The following GPX6 variants were observed in gnomAD, a reference collection of about 807,000 sequenced individuals.
The protein encoded by GPX6 is glutathione peroxidase 6 (olfactory).
In GPX6, 21 loss-of-function variants were observed where a neutral mutation model predicts 20.0. That is an observed-to-expected ratio of 1.05 (90% CI 0.74 to 1.51). The LOEUF is 1.51. Ranked by LOEUF, GPX6 falls within the 40% of genes most tolerant of loss-of-function variation. The pLI is 0.00. For missense variants in GPX6, 233 were observed against 254.7 expected (o/e 0.91, Z 0.58); for synonymous variants, 75 against 98.0 (o/e 0.77, Z 1.38).
chr6:28,512,876 G>A (rs1762924447), intron 1 of GPX6, among the ~76,000 whole-genome samples: 2 of 151,952 alleles, frequency 1.3e-5, no homozygotes, highest in Non-Finnish European at 1.5e-5. Flanking sequence ...TCACTCTTGA[G>A]CCTCTGCAGC....
At chr6:28,515,040 C>T (rs1270682305) in intron 1 of GPX6, among the ~76,000 whole-genome samples, 1 of 152,220 alleles carries the variant, frequency 6.6e-6, no homozygotes, top group East Asian at 1.9e-4. Flanking sequence ...AAAGCCTACT[C>T]TGAGCTGAGC....
At chr6:28,510,636 A>C (rs1229179653) in intron 2 of GPX6, 115 bp downstream of exon 2, 1 of 960,834 alleles carries the variant, frequency 1.0e-6, no homozygotes. Flanking sequence ...AGGTAGAGTC[A>C]CCTGATCAGT....
At chr6:28,512,551 T>G (rs979648682) in intron 1 of GPX6, among the ~76,000 whole-genome samples, 1 of 152,150 alleles carries the variant, frequency 6.6e-6, no homozygotes, top group Non-Finnish European at 1.5e-5. Flanking sequence ...ACCACTCGGC[T>G]CTCTGTAAAA....
intron 1 of GPX6, among the ~76,000 whole-genome samples, chr6:28,513,039 A>T (rs894486316): frequency 2.0e-5 from 3 of 152,176 alleles, no homozygotes; most frequent in African/African-American, 7.2e-5. Context: ...CCAATTTTGA[A>T]CACAGTAGGA....
intron 2 of GPX6, among the ~76,000 whole-genome samples, chr6:28,508,269 T>C (rs1252475360): frequency 6.6e-6 from 1 of 152,244 alleles, no homozygotes; most frequent in African/African-American, 2.4e-5. Context: ...TTTTCAAATT[T>C]AACTTTTTGA....
intron 4 of GPX6, 115 bp from the exon 5 acceptor site, chr6:28,504,613 A>G (rs1762790147): frequency 3.4e-6 from 3 of 881,406 alleles, no homozygotes; most frequent in Non-Finnish European, 5.2e-6. Flanking sequence ...ATGTATTTTA[A>G]TATATTAACT....
At chr6:28,513,152 C>T (rs928933030) in intron 1 of GPX6, among the ~76,000 whole-genome samples, 4 of 152,180 alleles carry the variant, frequency 2.6e-5, no homozygotes, top group Non-Finnish European at 5.9e-5. Flanking sequence ...GAGCTACTTC[C>T]ACTTAATAAA....
intron 1 of GPX6, among the ~76,000 whole-genome samples, chr6:28,513,366 G>C (rs970420685): frequency 5.3e-4 from 81 of 152,164 alleles, no homozygotes; most frequent in African/African-American, 1.9e-3. Flanking sequence ...TTCACTCCTA[G>C]ACACTGCCTT....
At chr6:28,504,604 T>C (rs1254743961) in intron 4 of GPX6, 106 bp from the exon 5 acceptor site, 4 of 965,448 alleles carry the variant, frequency 4.1e-6, no homozygotes, top group Non-Finnish European at 4.6e-6. Context: ...CTCACCATTA[T>C]GTATTTTAAT....
intron 1 of GPX6, among the ~76,000 whole-genome samples, chr6:28,512,684 C>T (rs150160377): frequency 6.6e-5 from 10 of 152,286 alleles, no homozygotes; most frequent in African/African-American, 1.9e-4. Flanking sequence ...TCGCTCTTTG[C>T]AATAAGTCTT....
intron 2 of GPX6, among the ~76,000 whole-genome samples, chr6:28,509,725 T>C (rs769226547): frequency 1.3e-5 from 2 of 152,190 alleles, no homozygotes; most frequent in African/African-American, 4.8e-5. Flanking sequence ...CCAACAGTAA[T>C]GCAAAACTCT....
chr6:28,512,828 C>T (rs939638386), intron 1 of GPX6, among the ~76,000 whole-genome samples: 1 of 151,740 alleles, frequency 6.6e-6, no homozygotes, highest in Non-Finnish European at 1.5e-5. Flanking sequence ...GACGCGCTGC[C>T]TTAAGAGCTG....
intron 1 of GPX6, 63 bp from the exon 2 acceptor site, chr6:28,510,967 A>T (rs1469725617): frequency 6.9e-7 from 1 of 1,447,684 alleles, no homozygotes; most frequent in African/African-American, 1.4e-5. Flanking sequence ...ACATTTGTGG[A>T]CTTTTTCAAA....
chr6:28,504,645 C>A lies in GPX6; in HGVS notation c.460-147G>T, dbSNP rs1394133317. ...AACTACTTTGCATGCTTCCAATCAA[C>A]CACAGACACTGCAATGTATCAATAC... On this transcript the variant is annotated intron_variant, in intron 4 of 4. Transcript: ENST00000361902. 7.4e-6 allele frequency: 5 copies of A among 676,666 alleles called. No homozygotes were observed. In the East Asian group the frequency reaches 1.4e-4, roughly 18 times the overall value. The allele number at this position is 676,666 out of a possible 1,614,324, so 41.9% of individuals were successfully genotyped here. A position where few individuals can be genotyped will look rare whatever the true frequency, so the allele number is the denominator to read the frequency against.
chr6:28,512,002 G>T (rs2113604764), intron 1 of GPX6, among the ~76,000 whole-genome samples: 1 of 152,364 alleles, frequency 6.6e-6, no homozygotes, highest in African/African-American at 2.4e-5. Context: ...TCGACTTCTC[G>T]CTGGGCCTTA....
At chr6:28,508,825 A>G (rs953212851) in intron 2 of GPX6, among the ~76,000 whole-genome samples, 1 of 151,970 alleles carries the variant, frequency 6.6e-6, no homozygotes, top group Non-Finnish European at 1.5e-5. Flanking sequence ...TAGTAATAAC[A>G]AAGGGACCCC....
chr6:28,506,706 A>AAAACACACACACACACAC (rs1762809689), intron 2 of GPX6, among the ~76,000 whole-genome samples: 1 of 145,098 alleles, frequency 6.9e-6, no homozygotes, highest in Non-Finnish European at 1.5e-5. Context: ...TTTTTTTTTA[A>AAAACACACACACACACAC]ACACACACAC....
At chr6:28,508,438 T>C (rs1171084847) in intron 2 of GPX6, among the ~76,000 whole-genome samples, 1 of 152,130 alleles carries the variant, frequency 6.6e-6, no homozygotes, top group Non-Finnish European at 1.5e-5. Context: ...TACTAAATTG[T>C]TGTTTGGGCT....
chr6:28,511,488 C>T (rs963963789), intron 1 of GPX6, among the ~76,000 whole-genome samples: 10 of 152,196 alleles, frequency 6.6e-5, no homozygotes, highest in African/African-American at 2.2e-4. Flanking sequence ...CCTGTGCCTA[C>T]GGACCTACAT....
Sources: gnomAD v4.1 joint callset for allele counts (sites outside exome capture counted in the v4.1 genomes callset) on GRCh38, gnomAD v4.1.1 for gene constraint, MANE v1.5 for transcripts, NCBI Gene and HGNC (gene_info 2026-07-23, HGNC 2026-07-21) for gene names.